Variants in CLSTN2 observed in about 807,000 individuals in gnomAD.
CLSTN2 encodes calsyntenin 2.
CLSTN2 carries 48 observed loss-of-function variants against 101.2 expected under a neutral mutation model. The observed-to-expected ratio is 0.47, with a 90% CI of 0.38 to 0.60. The LOEUF (loss-of-function observed/expected upper bound fraction) is 0.60. Among genes scored for constraint, CLSTN2 ranks in the 20% least tolerant of loss-of-function variants. CLSTN2 has a pLI of 0.00. For synonymous variants in CLSTN2, 481 were observed against 463.6 expected, an observed-to-expected ratio of 1.04 and a Z score of -0.48; for missense variants, 1,160 against 1,238.2, an observed-to-expected ratio of 0.94 and a Z score of 0.95.
At chr3:140,341,702 G>T (rs920310507) in intron 2 of CLSTN2, among the ~76,000 whole-genome samples, 5 of 152,120 alleles carry the variant, frequency 3.3e-5, no homozygotes, top group African/African-American at 9.7e-5. Context: ...GGCCCCCGGG[G>T]GCCCCACACC....
chr3:140,306,793 G>A (rs778993925), intron 2 of CLSTN2, among the ~76,000 whole-genome samples: 3 of 151,840 alleles, frequency 2.0e-5, no homozygotes, highest in Non-Finnish European at 2.9e-5. Context: ...CTTACCAAAG[G>A]CAGTTTGTTT....
intron 1 of CLSTN2, among the ~76,000 whole-genome samples, chr3:139,972,609 T>C (rs1209166160): frequency 6.6e-6 from 1 of 152,198 alleles, no homozygotes. Flanking sequence ...AAGGATTCCA[T>C]GAGCTCATCC....
intron 2 of CLSTN2, among the ~76,000 whole-genome samples, chr3:140,362,216 G>A (rs916890920): frequency 1.3e-5 from 2 of 152,114 alleles, no homozygotes; most frequent in African/African-American, 4.8e-5. Flanking sequence ...ATGTAATGAA[G>A]GGCAGTTGTT....
chr3:140,131,455 A>G (rs1237096842), intron 1 of CLSTN2, among the ~76,000 whole-genome samples: 1 of 152,052 alleles, frequency 6.6e-6, no homozygotes, highest in Non-Finnish European at 1.5e-5. Context: ...AATCTTCTGT[A>G]TTTATCATTT....
At chr3:140,232,109 T>C (rs935319825) in intron 2 of CLSTN2, among the ~76,000 whole-genome samples, 5 of 152,174 alleles carry the variant, frequency 3.3e-5, no homozygotes, top group Non-Finnish European at 7.3e-5. Context: ...TAGGTATCAA[T>C]TCTGTTCTGG....
chr3:140,225,769 A>G (rs1208439785), intron 2 of CLSTN2, among the ~76,000 whole-genome samples: 2 of 152,156 alleles, frequency 1.3e-5, no homozygotes, highest in Non-Finnish European at 2.9e-5. Context: ...TGCTGGGATT[A>G]CAGGCATGAG....
intron 5 of CLSTN2, among the ~76,000 whole-genome samples, chr3:140,433,062 C>T (rs1339819062): frequency 6.6e-6 from 1 of 152,158 alleles, no homozygotes; most frequent in African/African-American, 2.4e-5. Flanking sequence ...GAGATCCTGC[C>T]CAATTTCCTA....
At chr3:140,031,967 G>T (rs1413012633) in intron 1 of CLSTN2, among the ~76,000 whole-genome samples, 2 of 152,116 alleles carry the variant, frequency 1.3e-5, no homozygotes, top group Non-Finnish European at 2.9e-5. Flanking sequence ...AGACTCCAGG[G>T]TTTCCAAACT....
chr3:140,353,886 G>A (rs887574489), intron 2 of CLSTN2, among the ~76,000 whole-genome samples: 2 of 152,148 alleles, frequency 1.3e-5, no homozygotes, highest in African/African-American at 2.4e-5. Flanking sequence ...CTTTGTGATT[G>A]TAGGCAGAGG....
chr3:140,265,933 T>C (rs2086690018), intron 2 of CLSTN2, among the ~76,000 whole-genome samples: 1 of 152,202 alleles, frequency 6.6e-6, no homozygotes, highest in Admixed American at 6.5e-5. Context: ...TCTAGGGTTC[T>C]TGGATCCCTC....
chr3:140,348,118 A>G (rs1009448968), intron 2 of CLSTN2, among the ~76,000 whole-genome samples: 4 of 152,200 alleles, frequency 2.6e-5, no homozygotes, highest in African/African-American at 7.2e-5. Context: ...GTGGTCAAGT[A>G]TGGAGCTTTG....
rs570361308 is a variant in CLSTN2, at chr3:140,109,466, G to T, written c.110-66485G>T. Among the ~76,000 whole-genome samples the T allele has an allele frequency of 2.6e-5, 4 of 152,290 alleles. No individual in the cohort carries two copies. In the East Asian group the frequency reaches 7.7e-4, roughly 29 times the overall value. On this transcript the variant is annotated intron_variant, in intron 1 of 16. Transcript: ENST00000458420. ...CTAGCTGAGGTGATAATTGGCCCAG[G>T]CTTGGGTAAAAGTAGGTGGCGAATC...
At chr3:140,564,993 C>A (rs975415553) in intron 16 of CLSTN2, among the ~76,000 whole-genome samples, 5 of 152,208 alleles carry the variant, frequency 3.3e-5, no homozygotes, top group African/African-American at 1.2e-4. Context: ...AATTCCAAAG[C>A]CAGTGTGCTG....
chr3:140,234,653 C>A (rs1245187176), intron 2 of CLSTN2, among the ~76,000 whole-genome samples: 5 of 152,150 alleles, frequency 3.3e-5, no homozygotes, highest in African/African-American at 1.2e-4. Context: ...CTAATGCTTG[C>A]TTTCGTTCAT....
chr3:140,177,877 G>A (rs2010348299), intron 2 of CLSTN2, among the ~76,000 whole-genome samples: 1 of 152,122 alleles, frequency 6.6e-6, no homozygotes, highest in Non-Finnish European at 1.5e-5. Flanking sequence ...ATACACAGCT[G>A]AATAGTGGCT....
intron 2 of CLSTN2, among the ~76,000 whole-genome samples, chr3:140,301,636 C>T (rs1052189087): frequency 4.6e-5 from 7 of 152,236 alleles, no homozygotes; most frequent in Non-Finnish European, 8.8e-5. Flanking sequence ...AAAAGGGTCA[C>T]AGGGAACCCC....
chr3:140,108,957 A>G (rs542271519), intron 1 of CLSTN2, among the ~76,000 whole-genome samples: 1 of 152,272 alleles, frequency 6.6e-6, no homozygotes, highest in African/African-American at 2.4e-5. Flanking sequence ...ACTGGGTATT[A>G]TGGTCCTATT....
At chr3:140,446,357 A>T (rs574296750) in intron 5 of CLSTN2, among the ~76,000 whole-genome samples, 1 of 152,160 alleles carries the variant, frequency 6.6e-6, no homozygotes, top group Non-Finnish European at 1.5e-5. Flanking sequence ...TCCTCTTATT[A>T]TAAGTACCCT....
At chr3:140,183,387 A>G (rs1044832693) in intron 2 of CLSTN2, among the ~76,000 whole-genome samples, 1 of 152,206 alleles carries the variant, frequency 6.6e-6, no homozygotes. Context: ...TGGTCACTCT[A>G]ACAGGAGACA....
Sources: gnomAD v4.1 joint callset for allele counts (sites outside exome capture counted in the v4.1 genomes callset) on GRCh38, gnomAD v4.1.1 for gene constraint, MANE v1.5 for transcripts, NCBI Gene and HGNC (gene_info 2026-07-23, HGNC 2026-07-21) for gene names.